POLL: variants seen among roughly 807,000 people sequenced by gnomAD.
POLL encodes the protein DNA polymerase lambda.
In POLL, 44 loss-of-function variants were observed where a neutral mutation model predicts 58.1. The observed-to-expected ratio is 0.76, with a 90% confidence interval of 0.60 to 0.97. POLL has a LOEUF of 0.97. POLL is among the 50% of genes least tolerant of loss of function. The pLI is 0.00. For missense variants in POLL, 632 were observed against 736.8 expected, an observed-to-expected ratio of 0.86 and a Z score of 1.65; for synonymous variants, 290 against 283.2, an observed-to-expected ratio of 1.02 and a Z score of -0.24.
chr10:101,583,073 A>T, intron 6 of POLL, 182 bp from the exon 7 acceptor site: 1 of 689,770 alleles, frequency 1.4e-6, no homozygotes, highest in Non-Finnish European at 2.7e-6. Context: ...CATGGGAAAC[A>T]TGCCATCATC....
At chr10:101,585,741 C>T in intron 3 of POLL, 121 bp downstream of exon 3, 2 of 944,940 alleles carry the variant, frequency 2.1e-6, no homozygotes, top group South Asian at 1.9e-5. Flanking sequence ...GCTGGGACTA[C>T]AGGCACACCC....
chr10:101,579,829 G>C lies in POLL; in HGVS notation c.1364-12C>G. On this transcript the variant is annotated splice_polypyrimidine_tract_variant and intron_variant, in intron 8 of 8. Coordinates refer to ENST00000370162, the MANE Select transcript of POLL (RefSeq NM_001174084.2). The surrounding 1 kb of genome is among the most constrained non-coding windows in gnomAD (Gnocchi z 4.4). ...ATCTGTGAGGAACCCTGGCCCAACA[G>C]AGGGGACTGCTGGGAGGGCAGGGAA... is the stretch of plus-strand genomic sequence containing the variant. 2 of 1,606,998 alleles carry C rather than the reference G, an allele frequency of 1.2e-6. No individual in the cohort carries two copies. The highest frequency in any genetic ancestry group is 1.7e-6 in the Non-Finnish European group (2 of 1,176,204).
At chr10:101,586,204 T>C in intron 2 of POLL, 48 bp from the exon 3 acceptor site, 1 of 1,532,714 alleles carries the variant, frequency 6.5e-7, no homozygotes, top group Non-Finnish European at 8.9e-7. Context: ...TTTTAATTTT[T>C]ATCTGCCACC....
Position 101,585,352 on chromosome 10 carries a change from G to T in POLL, c.537C>A (p.Pro179=). The T allele has an allele frequency of 6.3e-7, 1 of 1,595,316 alleles. No individual in the cohort carries two copies. The highest frequency in any genetic ancestry group is 8.5e-7 in the Non-Finnish European group (1 of 1,171,400). The change falls in exon 4 of 9, where the codon CCC becomes CCA. Residue 179 remains proline, a synonymous_variant. Coordinates refer to ENST00000370162, the MANE Select transcript of POLL (RefSeq NM_001174084.2). ...PPPPTRPVSP[P]QKAKEAPNTQ... is the part of the protein sequence containing the mutation. ...TGTTTGGTGCCTCTTTTGCCTTTTG[G>T]GGAGGAGACACAGGCCTGGTGGGAG...
chr10:101,587,348 C>T lies in POLL; in HGVS notation c.13G>A (p.Gly5Ser). 2 of 1,613,934 alleles carry T rather than the reference C, an allele frequency of 1.2e-6. No individual in the cohort carries two copies. The highest frequency in any genetic ancestry group is 1.7e-6 in the Non-Finnish European group (2 of 1,179,942). ...CGCTTGGGAAATGCCTTCAAGATAC[C>T]CCTGGGATCCATTGAAGTATGGCTG... MDPR[G>S]ILKAFPKRQK... The change falls in exon 2 of 9, where the codon GGT becomes AGT. Residue 5 changes from glycine to serine, a missense_variant. Transcript: ENST00000370162.
In POLL at chr10:101,580,473, A is replaced by G; in HGVS notation, c.1195-57T>C. The G allele has an allele frequency of 6.5e-7, 1 of 1,532,076 alleles. No homozygotes were observed. Among genetic ancestry groups the G allele is most frequent in the Non-Finnish European group, 9.0e-7 (1 of 1,114,246 alleles). The allele number at this position is 1,532,076 out of a possible 1,614,324, so 94.9% of individuals were successfully genotyped here. On this transcript the variant is annotated intron_variant, in intron 7 of 8. Transcript: ENST00000370162. This position sits in a 1 kb window ranked among gnomAD's most constrained non-coding sequence, Gnocchi z 4.1. ...TGTGCGTGGGGAGCTCCTCTCCCAC[A>G]GCAGTACAAGGGCCTTCCCAGACTC...
rs982281866 is a variant in POLL, at chr10:101,587,015, A to G, written c.115+231T>C. The G allele has an allele frequency of 5.4e-6, 4 of 739,016 alleles. No individual in the cohort carries two copies. The Admixed American group carries it at 7.2e-5, about 13-fold the overall frequency. 45.8% of individuals were successfully genotyped at this position (739,016 alleles called of 1,614,324 possible). On this transcript the variant is annotated intron_variant, in intron 2 of 8. Transcript: ENST00000370162. The stretch of plus-strand genomic sequence containing the variant: ...CTGGTCATTCCCTGAGGGCCCAGGG[A>G]GTCTTTTCTGATGGATAGAGGTCTT...
At chr10:101,585,788 A>G in intron 3 of POLL, 74 bp downstream of exon 3, 2 of 1,294,264 alleles carry the variant, frequency 1.5e-6, no homozygotes, top group East Asian at 2.5e-5. Flanking sequence ...AATGATAGTT[A>G]TTTTTAATAA....
In POLL at chr10:101,587,856, T is replaced by C. The variant is rs1277656469; in HGVS notation, c.-81A>G. 3 of 1,190,064 alleles carry C rather than the reference T, an allele frequency of 2.5e-6. No individual in the cohort carries two copies. The highest frequency in any genetic ancestry group is 3.1e-5 in the South Asian group (2 of 64,156). 73.7% of individuals were successfully genotyped at this position (1,190,064 alleles called of 1,614,324 possible). On this transcript the variant is annotated 5_prime_UTR_variant, in exon 1 of 9. Coordinates refer to ENST00000370162, the MANE Select transcript of POLL (RefSeq NM_001174084.2). ...AGACTCGCAGAGGAAGGAGGAGGAC[T>C]TTCGGGGGTGAGTGGGAACGCCCTG...
Position 101,584,765 on chromosome 10 carries a change from T to A in POLL, c.728A>T (p.Gln243Leu). The A allele has an allele frequency of 6.2e-7, 1 of 1,613,804 alleles. No individual in the cohort carries two copies. The highest frequency in any genetic ancestry group is 8.5e-7 in the Non-Finnish European group (1 of 1,179,836). The part of the protein sequence containing the change: ...PAVLDKWVCA[Q>L]PSSQKATNHN... ...ATTGGTCGCCTTCTGGCTTGAGGGC[T>A]GTGCACAGACCCACTTATCCAGGAC... The change falls in exon 5 of 9, where the codon CAG (glutamine) becomes CTG (leucine). Residue 243 changes from glutamine (Q) to leucine (L), a missense_variant. Gln to Leu is a moderately radical substitution (Grantham distance 113). Coordinates refer to ENST00000370162, the MANE Select transcript of POLL (RefSeq NM_001174084.2).
rs746783774 is a variant in POLL at position 101,579,761 on chromosome 10, A to G, written c.1420T>C (p.Leu474=). Residue 474 remains leucine, a synonymous_variant, in exon 9 of 9, where the codon TTG becomes CTG. Coordinates refer to ENST00000370162, the MANE Select transcript of POLL (RefSeq NM_001174084.2). The surrounding 1 kb of genome is among the most constrained non-coding windows in gnomAD (Gnocchi z 4.4). ...GGCCCTGGGAGCCGGCACACCCCCAAGTACTTCTGTTGCTGACCATTCTCC... is the reference window on the plus strand; with the variant it reads ...GGCCCTGGGAGCCGGCACACCCCCAGGTACTTCTGTTGCTGACCATTCTCC... The part of the protein sequence containing the change: ...QEENGQQQKY[L]GVCRLPGPGR... The G allele has an allele frequency of 3.1e-6, 5 of 1,613,838 alleles. No individual in the cohort carries two copies. Among genetic ancestry groups the G allele is most frequent in the Admixed American group, 1.7e-5 (1 of 60,020 alleles).
In POLL at chr10:101,579,521, G is replaced by A. The variant is rs1355620781; in HGVS notation, c.1660C>T (p.Pro554Ser). 4 of 1,613,818 alleles carry A rather than the reference G, an allele frequency of 2.5e-6. No homozygotes were observed. Residue 554 changes from proline (P) to serine (S), a missense_variant, in exon 9 of 9, where the codon CCC becomes TCC. Coordinates refer to ENST00000370162, the MANE Select transcript of POLL (RefSeq NM_001174084.2). The surrounding 1 kb of genome is among the most constrained non-coding windows in gnomAD (Gnocchi z 4.4). ...AGCCTGAAGACATCCTTCTCAGTGG[G>A]AGTGGGCAGCACTCGGCCAGGCCCC... is the stretch of plus-strand genomic sequence containing the variant. ...KVGPGRVLPT[P>S]TEKDVFRLLG...
At position 101,579,514 on chromosome 10, in the gene POLL, T is replaced by G. The variant is rs1363353393; in HGVS notation, c.1667A>C (p.Glu556Ala). 4 of 1,613,494 alleles carry G rather than the reference T, an allele frequency of 2.5e-6. No individual in the cohort carries two copies. Among genetic ancestry groups the G allele is most frequent in the Non-Finnish European group, 3.4e-6 (4 of 1,179,958 alleles). The change falls in exon 9 of 9, where the codon GAG becomes GCG. Residue 556 changes from glutamate (E) to alanine (A), a missense_variant. Coordinates refer to ENST00000370162, the MANE Select transcript of POLL (RefSeq NM_001174084.2). This position sits in a 1 kb window ranked among gnomAD's most constrained non-coding sequence, Gnocchi z 4.4. ...GCCTAAGAGCCTGAAGACATCCTTC[T>G]CAGTGGGAGTGGGCAGCACTCGGCC... is the stretch of plus-strand genomic sequence containing the variant. ...GPGRVLPTPT[E>A]KDVFRLLGLP... is the part of the protein sequence containing the mutation.
chr10:101,587,521 G>A lies in POLL; in HGVS notation c.-46-115C>T, dbSNP rs2063448623. 4 of 1,491,708 alleles carry A rather than the reference G, an allele frequency of 2.7e-6. No homozygotes were observed. In the East Asian group the frequency reaches 1.1e-4, roughly 39 times the overall value. The allele number at this position is 1,491,708 out of a possible 1,614,324, so 92.4% of individuals were successfully genotyped here. On this transcript the variant is annotated intron_variant, in intron 1 of 8. Transcript: ENST00000370162. ...CAGTTTGGGGAAGCGGGTCGGGGGA[G>A]GGGGTCTCTTCAAACCCGGTTAAAC...
intron 7 of POLL, chr10:101,582,264 G>A (rs2063041804): frequency 6.4e-6 from 1 of 155,270 alleles, no homozygotes; most frequent in African/African-American, 2.4e-5. Flanking sequence ...CCTTGCGTGG[G>A]CTTTAGAAGG....
chr10:101,580,476 A>G lies in POLL; in HGVS notation c.1195-60T>C. The G allele has an allele frequency of 9.3e-6, 14 of 1,509,156 alleles. No individual in the cohort carries two copies. The highest frequency in any genetic ancestry group is 1.3e-5 in the Non-Finnish European group (14 of 1,098,386). The allele number at this position is 1,509,156 out of a possible 1,614,324, so 93.5% of individuals were successfully genotyped here. On this transcript the variant is annotated intron_variant, in intron 7 of 8. Coordinates refer to ENST00000370162, the MANE Select transcript of POLL (RefSeq NM_001174084.2). This position sits in a 1 kb window ranked among gnomAD's most constrained non-coding sequence, Gnocchi z 4.1. ...GCGTGGGGAGCTCCTCTCCCACAGCAGTACAAGGGCCTTCCCAGACTCGGG... is the reference window on the plus strand; with the variant it reads ...GCGTGGGGAGCTCCTCTCCCACAGCGGTACAAGGGCCTTCCCAGACTCGGG...
Position 101,579,825 on chromosome 10 carries a change from A to G in POLL, c.1364-8T>C. The G allele has an allele frequency of 6.2e-7, 1 of 1,608,360 alleles. No individual in the cohort carries two copies. The highest frequency in any genetic ancestry group is 8.5e-7 in the Non-Finnish European group (1 of 1,176,904). ...AGTCATCTGTGAGGAACCCTGGCCC[A>G]ACAGAGGGGACTGCTGGGAGGGCAG... On this transcript the variant is annotated splice_region_variant and splice_polypyrimidine_tract_variant and intron_variant, in intron 8 of 8. Coordinates refer to ENST00000370162, the MANE Select transcript of POLL (RefSeq NM_001174084.2). The surrounding 1 kb of genome is among the most constrained non-coding windows in gnomAD (Gnocchi z 4.4).
Position 101,580,229 on chromosome 10 carries a change from C to A in POLL, c.1363+19G>T. The A allele has an allele frequency of 6.2e-7, 1 of 1,603,772 alleles. No individual in the cohort carries two copies. Among genetic ancestry groups the A allele is most frequent in the Non-Finnish European group, 8.5e-7 (1 of 1,173,896 alleles). On this transcript the variant is annotated intron_variant, in intron 8 of 8. Coordinates refer to ENST00000370162, the MANE Select transcript of POLL (RefSeq NM_001174084.2). This position sits in a 1 kb window ranked among gnomAD's most constrained non-coding sequence, Gnocchi z 4.1. Reference sequence around the variant, plus strand: ...TGCTGCCCTCTGTCAACCTGCTCACCCAGAGATGGAGCTTATACCTTCCTG... The same window carrying A: ...TGCTGCCCTCTGTCAACCTGCTCACACAGAGATGGAGCTTATACCTTCCTG...
chr10:101,587,237 T>G lies in POLL; in HGVS notation c.115+9A>C, dbSNP rs1237451647. The G allele has an allele frequency of 6.2e-7, 1 of 1,613,708 alleles. No homozygotes were observed. Among genetic ancestry groups the G allele is most frequent in the Non-Finnish European group, 8.5e-7 (1 of 1,179,640 alleles). On this transcript the variant is annotated intron_variant, in intron 2 of 8. Coordinates refer to ENST00000370162, the MANE Select transcript of POLL (RefSeq NM_001174084.2). ...AGCACACGAGGGTTCTGAGACTGGG[T>G]CAGCTCACCTTCTGCTTCTTCTCCC...
Sources: allele counts gnomAD v4.1 joint callset, GRCh38; gene constraint gnomAD v4.1.1; non-coding constraint Gnocchi (gnomAD v3.1); transcripts MANE v1.5; gene names NCBI Gene and HGNC (gene_info 2026-07-23, HGNC 2026-07-21).